Variants in SYN3 observed in about 807,000 individuals in gnomAD.
SYN3 encodes synapsin III.
SYN3 carries 35 observed loss-of-function variants against 65.8 expected under a neutral mutation model. The ratio of observed to expected loss-of-function variants is 0.53; its 90% confidence interval spans 0.41 to 0.70. The LOEUF (loss-of-function observed/expected upper bound fraction) is 0.70, where lower values mean the gene tolerates loss of function less well. SYN3 is among the 30% of genes least tolerant of loss of function. The probability of loss-of-function intolerance (pLI) is 0.00; values close to 1 mark genes in which losing one functional copy is unlikely to be tolerated. For synonymous variants in SYN3, 270 were observed against 292.9 expected, an observed-to-expected ratio of 0.92 and a Z score of 0.80; for missense variants, 680 against 749.0, an observed-to-expected ratio of 0.91 and a Z score of 1.08.
At chr22:32,658,072 A>G (rs1036177032) in intron 6 of SYN3, among the ~76,000 whole-genome samples, 2 of 152,286 alleles carry the variant, frequency 1.3e-5, no homozygotes, top group Non-Finnish European at 2.9e-5. Flanking sequence ...AGGACGTTAA[A>G]GCATGCTGAG....
chr22:32,723,561 C>T (rs992017555), intron 6 of SYN3, among the ~76,000 whole-genome samples: 1 of 152,138 alleles, frequency 6.6e-6, no homozygotes, highest in Non-Finnish European at 1.5e-5. Context: ...GAGGAACTCT[C>T]CCTATTCTCT....
At position 32,837,916 on chromosome 22, in the gene SYN3, G is replaced by A. The variant is rs925626234; in HGVS notation, c.711+26999C>T. 1.3e-5 allele frequency among the ~76,000 whole-genome samples: 2 copies of A among 152,164 alleles called. No homozygotes were observed. The highest frequency in any genetic ancestry group is 2.9e-5 in the Non-Finnish European group (2 of 68,030). On this transcript the variant is annotated intron_variant, in intron 6 of 13. Coordinates refer to ENST00000358763, the MANE Select transcript of SYN3 (RefSeq NM_003490.4). This position sits in a 1 kb window ranked among gnomAD's most constrained non-coding sequence, Gnocchi z 4.1. The stretch of plus-strand genomic sequence containing the variant: ...ATGGGCTGGACTCTCCAGCCTCCGG[G>A]CCTCTGCCCAACCATGACCAGAAGG...
At chr22:32,858,085 C>G in intron 6 of SYN3, 1 of 1,614,208 alleles carries the variant, frequency 6.2e-7, no homozygotes, top group Admixed American at 1.7e-5. Context: ...CCAGCTCACC[C>G]TCTCCCAGCG....
chr22:32,979,565 G>A (rs2052311384), intron 3 of SYN3, among the ~76,000 whole-genome samples: 2 of 152,204 alleles, frequency 1.3e-5, no homozygotes, highest in Non-Finnish European at 2.9e-5. Flanking sequence ...ATTGTATTTT[G>A]AAATCATTTT....
intron 6 of SYN3, among the ~76,000 whole-genome samples, chr22:32,609,100 G>A (rs1040742273): frequency 3.9e-5 from 6 of 152,006 alleles, no homozygotes; most frequent in African/African-American, 1.4e-4. Context: ...CGAGGCGGGT[G>A]GATCACGAGG....
intron 6 of SYN3, among the ~76,000 whole-genome samples, chr22:32,799,020 G>C (rs2046498548): frequency 6.6e-6 from 1 of 152,086 alleles, no homozygotes; most frequent in Non-Finnish European, 1.5e-5. Context: ...TTAGCCTCAG[G>C]TTCACCCCAC....
intron 6 of SYN3, among the ~76,000 whole-genome samples, chr22:32,733,427 C>A (rs562972738): frequency 6.6e-6 from 1 of 152,348 alleles, no homozygotes; most frequent in South Asian, 2.1e-4. Flanking sequence ...GTCTTATCTT[C>A]CAGCTTCCTA....
chr22:32,667,324 T>C (rs2060302341), intron 6 of SYN3, among the ~76,000 whole-genome samples: 1 of 152,114 alleles, frequency 6.6e-6, no homozygotes, highest in African/African-American at 2.4e-5. Context: ...TTATTCTCTC[T>C]TTCCTTCCAT....
Position 32,948,532 on chromosome 22 carries a change from C to T in SYN3, c.370-17051G>A, listed in dbSNP as rs183258136. Among the ~76,000 whole-genome samples, 8 of 152,092 alleles carry T rather than the reference C, an allele frequency of 5.3e-5. No individual in the cohort carries two copies. The East Asian group carries it at 5.8e-4, about 11-fold the overall frequency. ...CGGGCAGATCACAAGGTCAGGAGATCGAGACCATACTGGCTAACATGGTGA... is the reference window on the plus strand; with the variant it reads ...CGGGCAGATCACAAGGTCAGGAGATTGAGACCATACTGGCTAACATGGTGA... On this transcript the variant is annotated intron_variant, in intron 3 of 13. Coordinates refer to ENST00000358763, the MANE Select transcript of SYN3 (RefSeq NM_003490.4).
intron 12 of SYN3, among the ~76,000 whole-genome samples, chr22:32,519,049 A>G (rs2057829117): frequency 6.6e-6 from 1 of 152,172 alleles, no homozygotes; most frequent in East Asian, 1.9e-4. Context: ...TCTGCAGGCC[A>G]AGGAGAGAAG....
chr22:32,760,816 T>C (rs1471590817), intron 6 of SYN3, among the ~76,000 whole-genome samples: 3 of 152,172 alleles, frequency 2.0e-5, no homozygotes, highest in African/African-American at 7.2e-5. Context: ...TGGATAGATT[T>C]TTAGCAGGAC....
At chr22:32,823,201 C>A (rs990044626) in intron 6 of SYN3, among the ~76,000 whole-genome samples, 1 of 152,160 alleles carries the variant, frequency 6.6e-6, no homozygotes, top group Non-Finnish European at 1.5e-5. Context: ...ACAGCCCATC[C>A]CTTTCCTAGG....
At chr22:33,011,721 G>A (rs1351054535) in intron 1 of SYN3, among the ~76,000 whole-genome samples, 1 of 152,084 alleles carries the variant, frequency 6.6e-6, no homozygotes, top group Middle Eastern at 3.2e-3. Context: ...TTGTGGGAAA[G>A]TTTTTAATAA....
chr22:33,015,432 C>T (rs2053447360), intron 1 of SYN3: 4 of 296,056 alleles, frequency 1.4e-5, no homozygotes, highest in Non-Finnish European at 2.8e-5. Context: ...TATGAAACAA[C>T]GCTGTTATTC....
At chr22:32,876,116 T>A (rs1352366019) in intron 4 of SYN3, among the ~76,000 whole-genome samples, 1 of 152,126 alleles carries the variant, frequency 6.6e-6, no homozygotes, top group Non-Finnish European at 1.5e-5. Context: ...TTTCTCACAT[T>A]CTGGAGGCTG....
chr22:32,540,804 G>A lies in SYN3; in HGVS notation c.917+767C>T, dbSNP rs1279178762. On this transcript the variant is annotated intron_variant, in intron 8 of 13. Transcript: ENST00000358763. The stretch of plus-strand genomic sequence containing the variant: ...TGCTTTTCTCTAATCAATAAAATGC[G>A]ATCAAAGTTGGACTAATCAGTACTT... Among the ~76,000 whole-genome samples, 3 of 152,124 alleles carry A rather than the reference G, an allele frequency of 2.0e-5. No homozygotes were observed. In the East Asian group the frequency reaches 5.8e-4, roughly 29 times the overall value.
rs1408918851 is a variant in SYN3 at position 32,567,805 on chromosome 22, GTT to G, written c.775-26094_775-26093del. Among the ~76,000 whole-genome samples the G allele has an allele frequency of 2.6e-5, 4 of 152,230 alleles. No homozygotes were observed. The East Asian group carries it at 7.7e-4, about 29-fold the overall frequency. On this transcript the variant is annotated intron_variant, in intron 7 of 13. Transcript: ENST00000358763. ...AGATTGTCTGGGCCCAGAGTCTGCT[GTT>G]TTTACTTTCCTATACTCCCAAGCTG...
intron 4 of SYN3, among the ~76,000 whole-genome samples, chr22:32,884,711 T>C (rs953908998): frequency 6.6e-6 from 1 of 152,122 alleles, no homozygotes; most frequent in Non-Finnish European, 1.5e-5. Flanking sequence ...ATCCTGTCTT[T>C]ACTAAAAATA....
At chr22:32,833,830 G>A (rs533318535) in intron 6 of SYN3, 86 of 501,810 alleles carry the variant, frequency 1.7e-4, no homozygotes, top group Admixed American at 7.2e-4. Context: ...GAAAATCCAC[G>A]GAAAGCATTT....
Sources: allele counts gnomAD v4.1 joint callset (sites outside exome capture counted in the v4.1 genomes callset), GRCh38; gene constraint gnomAD v4.1.1; non-coding constraint Gnocchi (gnomAD v3.1); transcripts MANE v1.5; gene names NCBI Gene and HGNC (gene_info 2026-07-23, HGNC 2026-07-21).